PIBF1: variants seen among roughly 807,000 people sequenced by gnomAD.
PIBF1 encodes progesterone-induced-blocking factor 1.
A neutral mutation model predicts 112.5 loss-of-function variants in PIBF1; 90 were observed. That is an observed-to-expected ratio of 0.80 (90% CI 0.67 to 0.95). The LOEUF (loss-of-function observed/expected upper bound fraction) is 0.95, where lower values mean the gene tolerates loss of function less well. PIBF1 is among the 40% of genes least tolerant of loss of function. The pLI is 0.00. For missense variants in PIBF1, 915 were observed against 852.3 expected (o/e 1.07, Z -0.92); for synonymous variants, 301 against 288.6 (o/e 1.04, Z -0.44).
intron 14 of PIBF1, 140 bp from the exon 15 acceptor site, chr13:72,965,134 C>T: frequency 1.4e-6 from 1 of 726,588 alleles, no homozygotes; most frequent in South Asian, 1.7e-5. Context: ...CTCTTAAAAC[C>T]TTCAAATTTA....
intron 2 of PIBF1, among the ~76,000 whole-genome samples, chr13:72,784,159 T>C (rs926635936): frequency 6.6e-6 from 1 of 151,026 alleles, no homozygotes; most frequent in Non-Finnish European, 1.5e-5. Context: ...GTACGTATAC[T>C]TCAAAACATT....
chr13:72,973,174 A>G (rs1441385162), intron 15 of PIBF1, among the ~76,000 whole-genome samples: 1 of 152,106 alleles, frequency 6.6e-6, no homozygotes, highest in Non-Finnish European at 1.5e-5. Context: ...TAGGAGACTG[A>G]AGCAGGAAGA....
chr13:72,955,642 A>G (rs112421559), intron 14 of PIBF1, among the ~76,000 whole-genome samples: 2,231 of 152,202 alleles, frequency 0.015, 72 homozygotes, highest in African/African-American at 0.051. Context: ...CCAATCAGCA[A>G]TGTTATACAG....
intron 14 of PIBF1, among the ~76,000 whole-genome samples, chr13:72,935,719 T>C (rs1399891656): frequency 6.6e-6 from 1 of 152,200 alleles, no homozygotes. Context: ...AGTTTTTTTA[T>C]CCACTATAAT....
intron 14 of PIBF1, among the ~76,000 whole-genome samples, chr13:72,934,535 G>A (rs1268494567): frequency 6.6e-6 from 1 of 152,024 alleles, no homozygotes; most frequent in East Asian, 1.9e-4. Context: ...CTATTCTTTG[G>A]ATCAGGTTAA....
intron 11 of PIBF1, among the ~76,000 whole-genome samples, 163 bp from the exon 12 acceptor site, chr13:72,908,368 G>C (rs2040773391): frequency 6.6e-6 from 1 of 151,940 alleles, no homozygotes; most frequent in African/African-American, 2.4e-5. Flanking sequence ...ATTTACCTTA[G>C]AAATAAATAT....
intron 10 of PIBF1, among the ~76,000 whole-genome samples, chr13:72,875,539 G>A (rs1156916705): frequency 6.6e-6 from 1 of 152,038 alleles, no homozygotes; most frequent in Non-Finnish European, 1.5e-5. Flanking sequence ...TGGCTATATC[G>A]GTATGCATCT....
chr13:72,998,599 G>T (rs548259662), intron 16 of PIBF1, among the ~76,000 whole-genome samples: 2 of 152,154 alleles, frequency 1.3e-5, no homozygotes, highest in Non-Finnish European at 2.9e-5. Flanking sequence ...GCAGAAAAAC[G>T]TGGAAACCAC....
intron 5 of PIBF1, among the ~76,000 whole-genome samples, chr13:72,801,651 GT>G (rs2035481446): frequency 6.6e-6 from 1 of 152,164 alleles, no homozygotes; most frequent in Non-Finnish European, 1.5e-5. Context: ...AAACTCAAGT[GT>G]TTGGGATATC....
At chr13:72,899,588 G>C (rs1441463915) in intron 11 of PIBF1, among the ~76,000 whole-genome samples, 2 of 151,948 alleles carry the variant, frequency 1.3e-5, no homozygotes, top group East Asian at 3.9e-4. Context: ...GAAACCCTCA[G>C]CAAAATCGGC....
chr13:72,799,326 A>G (rs1388716133), intron 5 of PIBF1, among the ~76,000 whole-genome samples: 1 of 152,188 alleles, frequency 6.6e-6, no homozygotes, highest in African/African-American at 2.4e-5. Context: ...TGTATTTTTA[A>G]TGCTCTACTT....
At chr13:72,858,455 A>C (rs1277444797) in intron 10 of PIBF1, among the ~76,000 whole-genome samples, 1 of 152,234 alleles carries the variant, frequency 6.6e-6, no homozygotes, top group Non-Finnish European at 1.5e-5. Flanking sequence ...ACTGTAGCAT[A>C]GTTGACATTT....
intron 14 of PIBF1, among the ~76,000 whole-genome samples, chr13:72,944,075 T>C (rs2042083568): frequency 6.6e-6 from 1 of 152,174 alleles, no homozygotes; most frequent in Non-Finnish European, 1.5e-5. Context: ...AATAAGTATT[T>C]TTCTTGTAAA....
At chr13:72,924,110 C>T (rs1035772943) in intron 13 of PIBF1, among the ~76,000 whole-genome samples, 3 of 152,264 alleles carry the variant, frequency 2.0e-5, no homozygotes, top group Admixed American at 1.3e-4. Context: ...TTTCTTCCCA[C>T]TTGTAAGATC....
intron 11 of PIBF1, chr13:72,901,059 C>A: frequency 2.3e-6 from 1 of 442,808 alleles, no homozygotes. Context: ...CAAACAAAAG[C>A]TAAATAGCTG....
At chr13:72,973,706 C>G in intron 16 of PIBF1, 31 bp downstream of exon 16, 1 of 1,259,856 alleles carries the variant, frequency 7.9e-7, no homozygotes, top group Non-Finnish European at 1.1e-6. Flanking sequence ...TAATTGTAAT[C>G]ATTTTAGGCT....
intron 10 of PIBF1, among the ~76,000 whole-genome samples, chr13:72,889,256 T>C (rs1436096652): frequency 6.6e-6 from 1 of 152,204 alleles, no homozygotes; most frequent in African/African-American, 2.4e-5. Flanking sequence ...TCTGTCCTTG[T>C]CGACTCCAAT....
intron 14 of PIBF1, among the ~76,000 whole-genome samples, chr13:72,939,706 A>G (rs2138810084): frequency 6.6e-6 from 1 of 152,298 alleles, no homozygotes; most frequent in African/African-American, 2.4e-5. Flanking sequence ...AATACAAGCA[A>G]ATGTATGAGT....
At chr13:72,996,348 A>G (rs546054733) in intron 16 of PIBF1, among the ~76,000 whole-genome samples, 39 of 152,302 alleles carry the variant, frequency 2.6e-4, no homozygotes, top group African/African-American at 5.8e-4. Context: ...AGACTGGCAA[A>G]AATCCTAAAA....
Sources: gnomAD v4.1 joint callset for allele counts (sites outside exome capture counted in the v4.1 genomes callset) on GRCh38, gnomAD v4.1.1 for gene constraint, MANE v1.5 for transcripts, NCBI Gene and HGNC (gene_info 2026-07-23, HGNC 2026-07-21) for gene names.